EML5: variants seen among roughly 807,000 people sequenced by gnomAD.
EML5 encodes the protein EMAP like 5.
A neutral mutation model predicts 250.0 loss-of-function variants in EML5; 120 were observed. The observed-to-expected ratio is 0.48, with a 90% CI of 0.41 to 0.56. EML5 has a LOEUF of 0.56. Among genes scored for constraint, EML5 ranks in the 20% least tolerant of loss-of-function variants. The pLI, the probability that EML5 is intolerant of heterozygous loss-of-function variation, is 0.00. For missense variants in EML5, 2,006 were observed against 2,437.6 expected, an observed-to-expected ratio of 0.82 and a Z score of 3.73; for synonymous variants, 771 against 806.5, an observed-to-expected ratio of 0.96 and a Z score of 0.75.
intron 2 of EML5, among the ~76,000 whole-genome samples, chr14:88,750,083 G>C (rs1230776235): frequency 3.3e-5 from 5 of 152,142 alleles, no homozygotes; most frequent in Non-Finnish European, 5.9e-5. Context: ...AGTAGTTATA[G>C]CAAAGACCAA....
At chr14:88,625,559 G>A (rs144467179) in intron 35 of EML5, 2,121 of 155,464 alleles carry the variant, frequency 0.014, 17 homozygotes, top group Non-Finnish European at 0.019. Flanking sequence ...CAGCCACCAC[G>A]CCCGGCTAAT....
chr14:88,751,227 A>G (rs1017106407), intron 2 of EML5, among the ~76,000 whole-genome samples: 2 of 152,168 alleles, frequency 1.3e-5, no homozygotes, highest in African/African-American at 4.8e-5. Context: ...GCTTTTTATC[A>G]TTTTTTACTT....
rs79254911 is a variant in EML5, at chr14:88,790,782, A to T, written c.197+1525T>A. On this transcript the variant is annotated intron_variant, in intron 1 of 43. Transcript: ENST00000554922. ...AGACTTGAAAGGATTAGGGAAAAAG[A>T]CAAGACACTGGGGTAAACTCTACTC... is the stretch of plus-strand genomic sequence containing the variant. Among the ~76,000 whole-genome samples, 435 of 152,302 alleles carry T rather than the reference A, an allele frequency of 2.9e-3. 3 individuals are homozygous for T. Among genetic ancestry groups the T allele is most frequent in the African/African-American group, 9.6e-3 (397 of 41,556 alleles).
intron 4 of EML5, among the ~76,000 whole-genome samples, chr14:88,741,236 TAAG>T (rs1450654402): frequency 6.6e-6 from 1 of 151,934 alleles, no homozygotes; most frequent in Non-Finnish European, 1.5e-5. Context: ...CATCATAGAC[TAAG>T]AAGAAGAAAA....
chr14:88,644,244 A>G (rs1248489960), intron 30 of EML5, among the ~76,000 whole-genome samples, 189 bp downstream of exon 30: 1 of 152,206 alleles, frequency 6.6e-6, no homozygotes, highest in Non-Finnish European at 1.5e-5. Context: ...TAAAAGGAAG[A>G]CTAATTTAAA....
intron 25 of EML5, among the ~76,000 whole-genome samples, chr14:88,660,892 T>C (rs1805216229): frequency 6.6e-6 from 1 of 152,172 alleles, no homozygotes; most frequent in African/African-American, 2.4e-5. Context: ...AGAATTTGTA[T>C]GATTTGGTTT....
intron 28 of EML5, 42 bp from the exon 29 acceptor site, chr14:88,646,997 A>C (rs938164395): frequency 6.3e-7 from 1 of 1,578,008 alleles, no homozygotes; most frequent in Non-Finnish European, 8.5e-7. Flanking sequence ...TTACAACATA[A>C]ATTTGAATTG....
At chr14:88,665,997 T>G (rs944994327) in intron 21 of EML5, among the ~76,000 whole-genome samples, 1 of 152,192 alleles carries the variant, frequency 6.6e-6, no homozygotes, top group Non-Finnish European at 1.5e-5. Flanking sequence ...AGATTAAGTT[T>G]TCTATAGAAG....
At chr14:88,735,265 G>A (rs1320782047) in intron 7 of EML5, among the ~76,000 whole-genome samples, 2 of 152,280 alleles carry the variant, frequency 1.3e-5, no homozygotes, top group East Asian at 3.9e-4. Flanking sequence ...AGGTAATGCT[G>A]ATGTTGCTCG....
chr14:88,645,461 G>A (rs2091302510), intron 29 of EML5, among the ~76,000 whole-genome samples: 1 of 152,178 alleles, frequency 6.6e-6, no homozygotes, highest in Non-Finnish European at 1.5e-5. Context: ...ACAAAGCCTG[G>A]ATTACTGTTC....
intron 31 of EML5, among the ~76,000 whole-genome samples, chr14:88,639,199 C>T (rs2090918532): frequency 6.6e-6 from 1 of 152,200 alleles, no homozygotes; most frequent in South Asian, 2.1e-4. Flanking sequence ...TTAATCTCAT[C>T]ATGGGAATAT....
At chr14:88,720,525 AC>A (rs1319979358) in intron 8 of EML5, among the ~76,000 whole-genome samples, 1 of 152,150 alleles carries the variant, frequency 6.6e-6, no homozygotes, top group Non-Finnish European at 1.5e-5. Context: ...AAAAACAAAG[AC>A]CATATGATTA....
chr14:88,642,119 T>C (rs968739285), intron 31 of EML5, among the ~76,000 whole-genome samples: 1 of 152,174 alleles, frequency 6.6e-6, no homozygotes, highest in Non-Finnish European at 1.5e-5. Flanking sequence ...ATAATTCACA[T>C]CATCAATCTA....
At chr14:88,633,137 A>G (rs2090530031) in intron 33 of EML5, among the ~76,000 whole-genome samples, 1 of 152,206 alleles carries the variant, frequency 6.6e-6, no homozygotes, top group South Asian at 2.1e-4. Flanking sequence ...CCCCCAGATC[A>G]TGCCTCAGCT....
At chr14:88,670,481 G>A (rs1232302630) in intron 21 of EML5, among the ~76,000 whole-genome samples, 4 of 152,040 alleles carry the variant, frequency 2.6e-5, no homozygotes, top group Non-Finnish European at 2.9e-5. Flanking sequence ...AAAAAATGCT[G>A]CAAACTCAAA....
At position 88,630,685 on chromosome 14, in the gene EML5, C is replaced by T. The variant is rs553246706; in HGVS notation, c.4358-2866G>A. Among the ~76,000 whole-genome samples, 13 of 152,330 alleles carry T rather than the reference C, an allele frequency of 8.5e-5. No individual in the cohort carries two copies. The South Asian group carries it at 1.2e-3, about 15-fold the overall frequency. On this transcript the variant is annotated intron_variant, in intron 33 of 43. Coordinates refer to ENST00000554922, the MANE Select transcript of EML5 (RefSeq NM_183387.3). ...GTTCGCAGTTTGCTTTGTGTCCTCACGCAAAGTCAGGCTAAAATGACTCAG... is the reference window on the plus strand; with the variant it reads ...GTTCGCAGTTTGCTTTGTGTCCTCATGCAAAGTCAGGCTAAAATGACTCAG...
chr14:88,665,434 G>T lies in EML5; in HGVS notation c.3180C>A (p.Asn1060Lys). 1 of 1,613,960 alleles carries T rather than the reference G, an allele frequency of 6.2e-7. No homozygotes were observed. Among genetic ancestry groups the T allele is most frequent in the African/African-American group, 1.3e-5 (1 of 75,038 alleles). Residue 1060 changes from asparagine (N) to lysine (K), a missense_variant, in exon 22 of 44, where the codon AAC (asparagine) becomes AAA (lysine). Physicochemically the swap from Asn to Lys is moderately conservative, Grantham distance 94 (BLOSUM62 0). Coordinates refer to ENST00000554922, the MANE Select transcript of EML5 (RefSeq NM_183387.3). ...CATTTGCCATTAAGAAGCTTCCATC[G>T]TTGAGACCTACGGCTAAAGCTTTAC... ...PDGKALAVGL[N>K]DGSFLMANAD...
At chr14:88,736,644 A>C in intron 6 of EML5, 79 bp from the exon 7 acceptor site, 1 of 1,406,106 alleles carries the variant, frequency 7.1e-7, no homozygotes, top group Non-Finnish European at 9.9e-7. Flanking sequence ...CCCTATGCAG[A>C]TAGGGGCAAG....
At chr14:88,742,537 G>A (rs1159289448) in intron 4 of EML5, among the ~76,000 whole-genome samples, 1 of 152,024 alleles carries the variant, frequency 6.6e-6, no homozygotes, top group African/African-American at 2.4e-5. Flanking sequence ...TTTGAGATAA[G>A]CTTTTTATAA....
Sources: gnomAD v4.1 joint callset for allele counts (sites outside exome capture counted in the v4.1 genomes callset) on GRCh38, gnomAD v4.1.1 for gene constraint, MANE v1.5 for transcripts, NCBI Gene and HGNC (gene_info 2026-07-23, HGNC 2026-07-21) for gene names.